C8B: variants seen among roughly 807,000 people sequenced by gnomAD.
The protein encoded by C8B is complement C8 beta chain, also known as complement component C8 beta chain.
A neutral mutation model predicts 64.6 loss-of-function variants in C8B; 67 were observed. The ratio of observed to expected loss-of-function variants is 1.04; its 90% CI spans 0.85 to 1.27. The LOEUF (loss-of-function observed/expected upper bound fraction) is 1.27, where lower values mean the gene tolerates loss of function less well. Among genes scored for constraint, C8B ranks in the 50% most tolerant of loss-of-function variants. The pLI is 0.00. For synonymous variants in C8B, 284 were observed against 257.7 expected, an observed-to-expected ratio of 1.10 and a Z score of -0.98; for missense variants, 790 against 725.2, an observed-to-expected ratio of 1.09 and a Z score of -1.03.
intron 7 of C8B, among the ~76,000 whole-genome samples, chr1:56,944,039 C>A (rs1022499770): frequency 1.3e-5 from 2 of 152,092 alleles, no homozygotes; most frequent in South Asian, 4.2e-4. Flanking sequence ...TTCAGCCTCC[C>A]CGCAACGCTC....
chr1:56,954,805 A>G lies in C8B; in HGVS notation c.414T>C (p.Leu138=). 1 of 1,614,196 alleles carries G rather than the reference A, an allele frequency of 6.2e-7. No individual in the cohort carries two copies. The stretch of plus-strand genomic sequence containing the variant: ...CACAGTCATTGTCCCCATTGCAAAG[A>G]AGTCTGCGGTTTACACACCTTCCTA... The part of the protein sequence containing the change: ...AQTGRCVNRR[L]LCNGDNDCGD... The change falls in exon 4 of 12, where the codon CTT becomes CTC. Residue 138 remains leucine, a synonymous_variant. Transcript: ENST00000371237.
At chr1:56,959,649 G>A in intron 2 of C8B, 2 of 1,533,630 alleles carry the variant, frequency 1.3e-6, no homozygotes, top group African/African-American at 1.4e-5. Flanking sequence ...CATGATCCTG[G>A]ACTTGATCCT....
rs200077558 is a variant in C8B, at chr1:56,940,892, C to T, written c.1355G>A (p.Trp452Ter). The T allele has an allele frequency of 1.3e-5, 21 of 1,613,910 alleles. No individual in the cohort carries two copies. Among genetic ancestry groups the T allele is most frequent in the Non-Finnish European group, 1.7e-5 (20 of 1,180,002 alleles). The change falls in exon 9 of 12, where the codon TGG (tryptophan) becomes TAG (stop). Residue 452 changes from tryptophan to a stop codon, truncating the protein, a stop_gained. Transcript: ENST00000371237. LOFTEE classifies it high-confidence loss of function. Reference protein sequence around the residue: ...ELPTADLMQEWGDAVQYNPAI... With the variant: ...ELPTADLMQE The stretch of plus-strand genomic sequence containing the variant: ...TGGGTTGTACTGCACAGCGTCTCCC[C>T]ACTCCTGCATCAGGTCCGCCGTCGG...
At chr1:56,934,743 TC>T (rs548592539) in intron 9 of C8B, among the ~76,000 whole-genome samples, 391 of 152,178 alleles carry the variant, frequency 2.6e-3, no homozygotes, top group African/African-American at 8.7e-3. Flanking sequence ...AATGAATTGA[TC>T]CAGAGGCTGT....
intron 9 of C8B, among the ~76,000 whole-genome samples, chr1:56,936,079 T>G (rs1165145714): frequency 1.3e-5 from 2 of 152,208 alleles, no homozygotes; most frequent in Non-Finnish European, 2.9e-5. Context: ...TTCTTTCTTT[T>G]CCCTTTTGCT....
rs1644661069 is a variant in C8B at position 56,929,365 on chromosome 1, A to G, written c.*39T>C. On this transcript the variant is annotated 3_prime_UTR_variant, in exon 12 of 12. Coordinates refer to ENST00000371237, the MANE Select transcript of C8B (RefSeq NM_000066.4). ...AGCTGGCATGAGTTCTTGAGGGCTC[A>G]GGGCTCTCATTGTATGTAGCCCACT... is the stretch of plus-strand genomic sequence containing the variant. 6.2e-7 allele frequency: 1 copy of G among 1,607,730 alleles called. No individual in the cohort carries two copies. The highest frequency in any genetic ancestry group is 1.1e-5 in the South Asian group (1 of 90,906).
At chr1:56,954,486 A>G (rs577621898) in intron 4 of C8B, among the ~76,000 whole-genome samples, 200 bp downstream of exon 4, 1 of 152,236 alleles carries the variant, frequency 6.6e-6, no homozygotes, top group East Asian at 1.9e-4. Context: ...CCTGATGCCT[A>G]TATCTGTCCA....
At chr1:56,940,605 A>G (rs1475129433) in intron 9 of C8B, among the ~76,000 whole-genome samples, 2 of 152,118 alleles carry the variant, frequency 1.3e-5, no homozygotes, top group Non-Finnish European at 2.9e-5. Context: ...TAGAATTAGA[A>G]GCTGATTGTT....
chr1:56,957,677 A>C (rs1353576997), intron 2 of C8B, among the ~76,000 whole-genome samples: 1 of 152,140 alleles, frequency 6.6e-6, no homozygotes, highest in Non-Finnish European at 1.5e-5. Context: ...CCAGTGTTGA[A>C]AAGGTAGATG....
chr1:56,945,476 A>G (rs1352681678), intron 7 of C8B, among the ~76,000 whole-genome samples: 2 of 152,206 alleles, frequency 1.3e-5, no homozygotes, highest in African/African-American at 4.8e-5. Flanking sequence ...GAGATTTGCT[A>G]CACATTCACA....
rs376708486 is a variant in C8B, at chr1:56,954,813, G to A, written c.406C>T (p.Arg136Cys). Reference protein sequence around the residue: ...VCAQTGRCVNRRLLCNGDNDC... With the variant: ...VCAQTGRCVNCRLLCNGDNDC... ...TTGTCCCCATTGCAAAGAAGTCTGC[G>A]GTTTACACACCTTCCTAGAATGGAG... is the stretch of plus-strand genomic sequence containing the variant. Residue 136 changes from arginine to cysteine, a missense_variant, in exon 4 of 12, where the codon CGC becomes TGC. Coordinates refer to ENST00000371237, the MANE Select transcript of C8B (RefSeq NM_000066.4). 2.7e-5 allele frequency: 43 copies of A among 1,614,080 alleles called. No homozygotes were observed. Among genetic ancestry groups the A allele is most frequent in the Middle Eastern group, 1.6e-4 (1 of 6,062 alleles).
At chr1:56,932,582 G>A (rs993498148) in intron 10 of C8B, among the ~76,000 whole-genome samples, 1 of 152,116 alleles carries the variant, frequency 6.6e-6, no homozygotes, top group Admixed American at 6.5e-5. Context: ...CCCTCACATA[G>A]GGGTCCTTGT....
chr1:56,957,399 A>G (rs970410238), intron 2 of C8B, among the ~76,000 whole-genome samples: 1 of 152,214 alleles, frequency 6.6e-6, no homozygotes, highest in Non-Finnish European at 1.5e-5. Flanking sequence ...TGGAGCTACA[A>G]CTGATTCTGA....
intron 6 of C8B, among the ~76,000 whole-genome samples, chr1:56,947,226 T>C (rs1411614731): frequency 6.6e-6 from 1 of 152,188 alleles, no homozygotes; most frequent in Admixed American, 6.5e-5. Flanking sequence ...TGCTGTTGTC[T>C]TCAGAATAAA....
At chr1:56,936,493 T>G (rs1644776214) in intron 9 of C8B, among the ~76,000 whole-genome samples, 1 of 150,844 alleles carries the variant, frequency 6.6e-6, no homozygotes, top group African/African-American at 2.4e-5. Flanking sequence ...CCTTACATAT[T>G]AAGGATCTCA....
intron 11 of C8B, 101 bp from the exon 12 acceptor site, chr1:56,929,659 T>C: frequency 2.7e-6 from 3 of 1,101,450 alleles, no homozygotes; most frequent in South Asian, 2.6e-5. Context: ...TTTGGGAGTC[T>C]GAATCTCTGA....
intron 2 of C8B, 102 bp downstream of exon 2, chr1:56,959,918 A>G: frequency 7.8e-7 from 1 of 1,279,978 alleles, no homozygotes; most frequent in Non-Finnish European, 1.1e-6. Context: ...ACATTTATTG[A>G]GGGCCAACTA....
chr1:56,934,213 C>T (rs918590901), intron 9 of C8B, among the ~76,000 whole-genome samples: 22 of 146,756 alleles, frequency 1.5e-4, no homozygotes, highest in Non-Finnish European at 1.5e-4. Context: ...GAGATCAGGG[C>T]AATGTCTCAG....
chr1:56,935,565 C>T (rs1441351771), intron 9 of C8B, among the ~76,000 whole-genome samples: 1 of 152,180 alleles, frequency 6.6e-6, no homozygotes, highest in African/African-American at 2.4e-5. Context: ...CCATACTAAA[C>T]CTTGGTGTTC....
Sources: allele counts gnomAD v4.1 joint callset (sites outside exome capture counted in the v4.1 genomes callset), GRCh38; gene constraint gnomAD v4.1.1; transcripts MANE v1.5; gene names NCBI Gene and HGNC (gene_info 2026-07-23, HGNC 2026-07-21).